The following ADAMTSL1 variants were observed in gnomAD, a reference collection of about 807,000 sequenced individuals.
ADAMTSL1 encodes the protein ADAMTS-like protein 1.
In ADAMTSL1, 126 loss-of-function variants were observed where a neutral mutation model predicts 201.8. The observed-to-expected ratio is 0.62, with a 90% confidence interval of 0.54 to 0.72. The LOEUF is 0.72. ADAMTSL1 is among the 30% of genes least tolerant of loss of function. The pLI is 0.00. For synonymous variants in ADAMTSL1, 1,121 were observed against 903.4 expected, an observed-to-expected ratio of 1.24 and a Z score of -4.32; for missense variants, 2,679 against 2,277.8, an observed-to-expected ratio of 1.18 and a Z score of -3.59.
At chr9:18,880,580 T>C (rs1028541357) in intron 23 of ADAMTSL1, among the ~76,000 whole-genome samples, 2 of 152,244 alleles carry the variant, frequency 1.3e-5, no homozygotes, top group Admixed American at 6.5e-5. Flanking sequence ...GATCTTAAAA[T>C]GTTCTGTAAA....
At chr9:18,576,059 G>T (rs1215034306) in intron 4 of ADAMTSL1, among the ~76,000 whole-genome samples, 1 of 152,038 alleles carries the variant, frequency 6.6e-6, no homozygotes, top group Non-Finnish European at 1.5e-5. Context: ...TGGACTTTGG[G>T]TTACAAGTAT....
chr9:18,076,700 G>A (rs142464136), intron 1 of ADAMTSL1, among the ~76,000 whole-genome samples: 3 of 152,170 alleles, frequency 2.0e-5, no homozygotes, highest in South Asian at 4.1e-4. Flanking sequence ...ATGTGAGCAG[G>A]GAACCACTGT....
intron 2 of ADAMTSL1, among the ~76,000 whole-genome samples, chr9:18,359,835 G>C (rs2805927): frequency 0.92 from 61,934 of 67,546 alleles, 28,264 homozygotes; most frequent in Non-Finnish European, 0.95. Context: ...CCGCCCCCCC[G>C]CCCACACAAA....
intron 2 of ADAMTSL1, among the ~76,000 whole-genome samples, chr9:18,267,691 A>C (rs7034909): frequency 7.7e-4 from 117 of 151,178 alleles, no homozygotes; most frequent in African/African-American, 2.8e-3. Context: ...AGTATTTTTT[A>C]ATAATTTGTT....
chr9:18,315,075 C>T (rs1834324129), intron 2 of ADAMTSL1, among the ~76,000 whole-genome samples: 2 of 152,004 alleles, frequency 1.3e-5, no homozygotes, highest in South Asian at 2.1e-4. Context: ...TGCTTTTATT[C>T]CCTTATCTGA....
chr9:18,187,569 G>A (rs144917637), intron 2 of ADAMTSL1, among the ~76,000 whole-genome samples: 16 of 152,196 alleles, frequency 1.1e-4, no homozygotes, highest in African/African-American at 3.6e-4. Context: ...ACATTTATAT[G>A]ATCATAGAGA....
Position 18,776,897 on chromosome 9 carries a change from C to A in ADAMTSL1, c.2668C>A (p.Leu890Ile). ...HFVVGGFAYLLPKTAVVLRCP... is the reference protein window; with the variant it reads ...HFVVGGFAYLIPKTAVVLRCP... ...CGTGGTGGGGGGCTTCGCCTACCTG[C>A]TCCCCAAGACGGCGGTGGTGCTGCG... Residue 890 changes from leucine to isoleucine, a missense_variant, in exon 19 of 29, where the codon CTC (leucine) becomes ATC (isoleucine). Coordinates refer to ENST00000380548, the MANE Select transcript of ADAMTSL1 (RefSeq NM_001040272.6). The A allele has an allele frequency of 6.2e-7, 1 of 1,610,712 alleles. No individual in the cohort carries two copies. Among genetic ancestry groups the A allele is most frequent in the Non-Finnish European group, 8.5e-7 (1 of 1,178,810 alleles).
At chr9:18,219,974 T>C (rs1045945780) in intron 2 of ADAMTSL1, among the ~76,000 whole-genome samples, 2 of 152,148 alleles carry the variant, frequency 1.3e-5, no homozygotes, top group Non-Finnish European at 2.9e-5. Context: ...ATCTTCTTTT[T>C]CAATTTTTTA....
At position 18,530,329 on chromosome 9, in the gene ADAMTSL1, T is replaced by G. The variant is rs144665069; in HGVS notation, c.192-2918T>G. Among the ~76,000 whole-genome samples, 815 of 152,260 alleles carry G rather than the reference T, an allele frequency of 5.4e-3. 5 individuals are homozygous for G. Among genetic ancestry groups the G allele is most frequent in the African/African-American group, 0.019 (783 of 41,548 alleles). ...GTTTCCATAATTTTTTTCATGGATA[T>G]AAGGTTAGGTAAAAAATTTTTAAAA... is the stretch of plus-strand genomic sequence containing the variant. On this transcript the variant is annotated intron_variant, in intron 2 of 28. Coordinates refer to ENST00000380548, the MANE Select transcript of ADAMTSL1 (RefSeq NM_001040272.6).
intron 1 of ADAMTSL1, among the ~76,000 whole-genome samples, chr9:17,958,706 A>C (rs1828024031): frequency 6.6e-6 from 1 of 152,230 alleles, no homozygotes; most frequent in Non-Finnish European, 1.5e-5. Flanking sequence ...ACCAAACCCA[A>C]ACCCAAACCC....
intron 5 of ADAMTSL1, among the ~76,000 whole-genome samples, chr9:18,623,792 A>G (rs538618918): frequency 2.0e-5 from 3 of 152,360 alleles, no homozygotes; most frequent in African/African-American, 7.2e-5. Flanking sequence ...GCTACTATGC[A>G]GAATCCTTCA....
At chr9:18,178,416 A>T (rs2132161223) in intron 2 of ADAMTSL1, among the ~76,000 whole-genome samples, 2 of 152,272 alleles carry the variant, frequency 1.3e-5, no homozygotes, top group South Asian at 4.1e-4. Context: ...CAGCAGTCTG[A>T]GATCAAACTG....
chr9:18,673,914 A>T (rs1451957862), intron 9 of ADAMTSL1, among the ~76,000 whole-genome samples: 1 of 152,100 alleles, frequency 6.6e-6, no homozygotes, highest in Non-Finnish European at 1.5e-5. Flanking sequence ...GCATTCTTTA[A>T]AATATAGTCC....
chr9:18,393,954 A>G (rs778707016), intron 2 of ADAMTSL1, among the ~76,000 whole-genome samples: 6 of 152,206 alleles, frequency 3.9e-5, no homozygotes, highest in Non-Finnish European at 7.3e-5. Context: ...CCTAATGTGT[A>G]AGCCAGTTTA....
At chr9:18,079,320 C>T (rs768236651) in intron 1 of ADAMTSL1, among the ~76,000 whole-genome samples, 1 of 152,204 alleles carries the variant, frequency 6.6e-6, no homozygotes, top group Non-Finnish European at 1.5e-5. Context: ...TCACTGCTAT[C>T]GCATCTTGAT....
At chr9:18,538,931 T>G (rs150555013) in intron 3 of ADAMTSL1, among the ~76,000 whole-genome samples, 1 of 152,120 alleles carries the variant, frequency 6.6e-6, no homozygotes, top group Non-Finnish European at 1.5e-5. Context: ...TGAAACAACA[T>G]TCAGACCAGA....
chr9:18,262,131 C>A (rs1376885167), intron 2 of ADAMTSL1, among the ~76,000 whole-genome samples: 1 of 152,114 alleles, frequency 6.6e-6, no homozygotes, highest in Non-Finnish European at 1.5e-5. Flanking sequence ...AACCCTACGA[C>A]TTCATTTTAG....
intron 13 of ADAMTSL1, among the ~76,000 whole-genome samples, chr9:18,696,141 T>C (rs997082207): frequency 1.3e-5 from 2 of 152,158 alleles, no homozygotes; most frequent in African/African-American, 2.4e-5. Context: ...TCCTCCAATA[T>C]TGGGGATTAC....
chr9:18,075,097 C>A (rs1823156366), intron 1 of ADAMTSL1, among the ~76,000 whole-genome samples: 1 of 152,036 alleles, frequency 6.6e-6, no homozygotes, highest in African/African-American at 2.4e-5. Flanking sequence ...TCCTCACTTC[C>A]CTCTTTCCCT....
Sources: gnomAD v4.1 joint callset for allele counts (sites outside exome capture counted in the v4.1 genomes callset) on GRCh38, gnomAD v4.1.1 for gene constraint, MANE v1.5 for transcripts, NCBI Gene and HGNC (gene_info 2026-07-23, HGNC 2026-07-21) for gene names.